Variants in SYTL3 observed in about 807,000 individuals in gnomAD.
SYTL3 encodes the protein synaptotagmin like 3.
In SYTL3, 88 loss-of-function variants were observed where a neutral mutation model predicts 82.1. That is an observed-to-expected ratio of 1.07 (90% confidence interval 0.90 to 1.28). The LOEUF (loss-of-function observed/expected upper bound fraction) is 1.28, where lower values mean the gene tolerates loss of function less well. SYTL3 is among the 50% of genes most tolerant of loss of function. SYTL3 has a pLI of 0.00. For synonymous variants in SYTL3, 311 were observed against 289.4 expected (o/e 1.07, Z -0.76); for missense variants, 831 against 757.6 (o/e 1.10, Z -1.14).
chr6:158,747,897 T>C (rs1787876199), intron 12 of SYTL3, among the ~76,000 whole-genome samples: 1 of 152,198 alleles, frequency 6.6e-6, no homozygotes, highest in African/African-American at 2.4e-5. Flanking sequence ...GTATTGTACG[T>C]ATTTTATCCA....
intron 11 of SYTL3, among the ~76,000 whole-genome samples, chr6:158,728,338 TA>T (rs371618708): frequency 0.34 from 50,188 of 147,226 alleles, 8,830 homozygotes; most frequent in African/African-American, 0.43. Flanking sequence ...TACCACTTGT[TA>T]AAAAAAAAAA....
intron 10 of SYTL3, among the ~76,000 whole-genome samples, chr6:158,721,002 G>T (rs940349008): frequency 1.3e-5 from 2 of 152,226 alleles, no homozygotes; most frequent in African/African-American, 4.8e-5. Flanking sequence ...ACATGGCCCA[G>T]AGCCTGGCCA....
intron 5 of SYTL3, among the ~76,000 whole-genome samples, chr6:158,666,768 A>T (rs1238915808): frequency 2.0e-5 from 3 of 152,160 alleles, no homozygotes; most frequent in African/African-American, 7.2e-5. Flanking sequence ...CCTGGCATTC[A>T]TTTACTTAAG....
chr6:158,755,000 C>T (rs963996183), intron 13 of SYTL3, among the ~76,000 whole-genome samples: 10 of 152,196 alleles, frequency 6.6e-5, no homozygotes, highest in Admixed American at 5.9e-4. Flanking sequence ...GGAATAATCA[C>T]ATCAATCCAG....
At chr6:158,728,859 T>A (rs993103507) in intron 11 of SYTL3, among the ~76,000 whole-genome samples, 22 of 151,676 alleles carry the variant, frequency 1.5e-4, no homozygotes, top group Admixed American at 1.2e-3. Flanking sequence ...TCGTCTCTAT[T>A]AAAAAAATAT....
intron 6 of SYTL3, among the ~76,000 whole-genome samples, chr6:158,689,262 A>G (rs1421759254): frequency 6.6e-6 from 1 of 152,238 alleles, no homozygotes; most frequent in African/African-American, 2.4e-5. Context: ...GTGTGGAATT[A>G]TCCTTAAAAA....
intron 16 of SYTL3, 78 bp from the exon 17 acceptor site, chr6:158,763,226 G>A (rs751192751): frequency 3.4e-5 from 48 of 1,392,692 alleles, no homozygotes; most frequent in Non-Finnish European, 4.4e-5. Flanking sequence ...AGTGCTTCCC[G>A]TCTGCACTGA....
intron 8 of SYTL3, among the ~76,000 whole-genome samples, chr6:158,711,964 C>T (rs1782811649): frequency 6.6e-6 from 1 of 152,196 alleles, no homozygotes; most frequent in Admixed American, 6.5e-5. Flanking sequence ...CCTCCCATCT[C>T]ATCCTGTGAC....
chr6:158,700,825 C>T (rs550749655), intron 6 of SYTL3, among the ~76,000 whole-genome samples: 12 of 152,126 alleles, frequency 7.9e-5, no homozygotes, highest in South Asian at 4.1e-4. Flanking sequence ...ACTGTGTTAG[C>T]CAGGATGGTC....
At chr6:158,760,584 AGAAG>A in intron 14 of SYTL3, 52 bp from the exon 15 acceptor site, 2 of 1,506,704 alleles carry the variant, frequency 1.3e-6, no homozygotes, top group Non-Finnish European at 1.8e-6. Flanking sequence ...AGAGGAACCC[AGAAG>A]GTTCTTGGGA....
chr6:158,683,433 A>G (rs549610076), intron 6 of SYTL3, among the ~76,000 whole-genome samples: 1 of 151,790 alleles, frequency 6.6e-6, no homozygotes, highest in African/African-American at 2.4e-5. Flanking sequence ...GTTGGCCAGG[A>G]TGGTCTCGAT....
intron 6 of SYTL3, among the ~76,000 whole-genome samples, chr6:158,705,425 G>A (rs973703544): frequency 2.3e-4 from 34 of 146,338 alleles, no homozygotes; most frequent in African/African-American, 6.5e-4. Context: ...AGGAACCCGG[G>A]GCAGGGTAAC....
At chr6:158,684,172 G>GT (rs1159104591) in intron 6 of SYTL3, among the ~76,000 whole-genome samples, 1 of 152,172 alleles carries the variant, frequency 6.6e-6, no homozygotes, top group Admixed American at 6.5e-5. Flanking sequence ...GGTGTCCAGT[G>GT]TGTGGCATTG....
At chr6:158,654,825 G>A (rs1291137853) in intron 2 of SYTL3, among the ~76,000 whole-genome samples, 1 of 152,178 alleles carries the variant, frequency 6.6e-6, no homozygotes, top group Non-Finnish European at 1.5e-5. Flanking sequence ...TGTCGGGGGG[G>A]CTTCTCCACA....
chr6:158,738,250 T>A (rs1415777343), intron 11 of SYTL3, among the ~76,000 whole-genome samples: 5 of 152,108 alleles, frequency 3.3e-5, no homozygotes, highest in Admixed American at 2.6e-4. Context: ...TAACACAGTT[T>A]TTTTGCTCTC....
rs1384404336 is a variant in SYTL3, at chr6:158,702,692, C to T, written c.395-4538C>T. Among the ~76,000 whole-genome samples the T allele has an allele frequency of 2.6e-5, 4 of 152,160 alleles. No homozygotes were observed. The South Asian group carries it at 8.3e-4, about 32-fold the overall frequency. On this transcript the variant is annotated intron_variant, in intron 6 of 17. Transcript: ENST00000611299. ...GTGTCTGTACAGCCCTCGACTATCC[C>T]CGTTTTGGTCTTGTCCCCACCCGCT...
At chr6:158,671,720 A>G (rs1358896946) in intron 5 of SYTL3, among the ~76,000 whole-genome samples, 1 of 146,090 alleles carries the variant, frequency 6.8e-6, no homozygotes, top group East Asian at 2.1e-4. Context: ...GTGAGCTGAC[A>G]GCGAGACTCA....
chr6:158,713,049 C>T (rs373777466), intron 8 of SYTL3, among the ~76,000 whole-genome samples: 207 of 152,264 alleles, frequency 1.4e-3, no homozygotes, highest in African/African-American at 4.8e-3. Context: ...CGTGAGCCAC[C>T]GCGCCTGGCC....
intron 13 of SYTL3, among the ~76,000 whole-genome samples, chr6:158,755,654 T>G (rs1788964916): frequency 1.3e-5 from 2 of 152,230 alleles, no homozygotes; most frequent in South Asian, 4.1e-4. Context: ...AGTTCCTGTT[T>G]TATTCCATCT....
Sources: allele counts gnomAD v4.1 joint callset (sites outside exome capture counted in the v4.1 genomes callset), GRCh38; gene constraint gnomAD v4.1.1; transcripts MANE v1.5; gene names NCBI Gene and HGNC (gene_info 2026-07-23, HGNC 2026-07-21).